PHACTR2: variants seen among roughly 807,000 people sequenced by gnomAD.
PHACTR2 encodes the protein chromosome 6 open reading frame 56.
PHACTR2 carries 30 observed loss-of-function variants against 76.0 expected under a neutral mutation model. The observed-to-expected ratio is 0.39, with a 90% CI of 0.30 to 0.54. The LOEUF is 0.54. Ranked by LOEUF, PHACTR2 falls within the 20% of genes least tolerant of loss-of-function variation. The pLI is 0.61. For synonymous variants in PHACTR2, 292 were observed against 292.5 expected (o/e 1.00, Z 0.02); for missense variants, 696 against 781.1 (o/e 0.89, Z 1.30).
At chr6:143,771,158 GTATATATATATA>G (rs1341330418) in intron 6 of PHACTR2, among the ~76,000 whole-genome samples, 2 of 14,566 alleles carry the variant, frequency 1.4e-4, no homozygotes, top group African/African-American at 3.0e-4. Flanking sequence ...ATATATATAT[GTATATATATATA>G]TATGTATATA....
rs9386041 is a variant in PHACTR2 at position 143,663,716 on chromosome 6, G to A, written c.14-48300G>A. Among the ~76,000 whole-genome samples, 9,795 of 152,066 alleles carry A rather than the reference G, an allele frequency of 0.064. 402 individuals carry two copies. Among genetic ancestry groups the A allele is most frequent in the East Asian group, 0.22 (1,120 of 5,174 alleles). Reference sequence around the variant, plus strand: ...TGTTTCTTTCAGTTTCTAAAAATGTGTGGGAGGGGTTTTTATTTCTGTTTT... The same window carrying A: ...TGTTTCTTTCAGTTTCTAAAAATGTATGGGAGGGGTTTTTATTTCTGTTTT... On this transcript the variant is annotated intron_variant, in intron 1 of 11. Coordinates refer to the PHACTR2 transcript ENST00000305766. The surrounding 1 kb of genome is among the most constrained non-coding windows in gnomAD (Gnocchi z 4.1).
rs111406426 is a variant in PHACTR2, at chr6:143,801,613, C to T, written c.1846-5444C>T. On this transcript the variant is annotated intron_variant, in intron 11 of 12. Transcript: ENST00000440869. This position sits in a 1 kb window ranked among gnomAD's most constrained non-coding sequence, Gnocchi z 4.6. The stretch of plus-strand genomic sequence containing the variant: ...AGCCATTCATCTAACCTTTTTTCAA[C>T]GTTTTTAGCTTCCTTGAAATGGATT... Among the ~76,000 whole-genome samples, 2 of 152,158 alleles carry T rather than the reference C, an allele frequency of 1.3e-5. No homozygotes were observed. The highest frequency in any genetic ancestry group is 2.9e-5 in the Non-Finnish European group (2 of 67,980).
rs1377199762 is a variant in PHACTR2 at position 143,610,882 on chromosome 6, C to A, written c.13+2560C>A. ...GTGGAATATGTCAGGGCAATTTTAG[C>A]AATATCTAACATTTTCTTCTTTTTT... On this transcript the variant is annotated intron_variant, in intron 1 of 11. Transcript: ENST00000305766. This position sits in a 1 kb window ranked among gnomAD's most constrained non-coding sequence, Gnocchi z 4.9. 6.6e-6 allele frequency among the ~76,000 whole-genome samples: 1 copy of A among 152,070 alleles called. No homozygotes were observed. Among genetic ancestry groups the A allele is most frequent in the African/African-American group, 2.4e-5 (1 of 41,402 alleles).
In PHACTR2 at chr6:143,760,752, C is replaced by A; in HGVS notation, c.694+112C>A. ...GCTTTTGGTGTCTTAGGACATTACA[C>A]CAGCAGGTTCAGCTTTGACACAAAG... is the stretch of plus-strand genomic sequence containing the variant. On this transcript the variant is annotated intron_variant, in intron 5 of 12. Coordinates refer to ENST00000440869, the MANE Select transcript of PHACTR2 (RefSeq NM_001100164.2). The surrounding 1 kb of genome is among the most constrained non-coding windows in gnomAD (Gnocchi z 6.4). 2 of 1,232,340 alleles carry A rather than the reference C, an allele frequency of 1.6e-6. No homozygotes were observed. Among genetic ancestry groups the A allele is most frequent in the Non-Finnish European group, 1.1e-6 (1 of 898,462 alleles). 76.3% of individuals were successfully genotyped at this position (1,232,340 alleles called of 1,614,324 possible).
chr6:143,825,776 A>C lies in PHACTR2; in HGVS notation c.*2087A>C, dbSNP rs1340782776. ...ATTTCTAACCACAAGACCTCTCTAT[A>C]ATGGTAAATGTAAGACATCACCATT... is the stretch of plus-strand genomic sequence containing the variant. On this transcript the variant is annotated 3_prime_UTR_variant, in exon 13 of 13. Coordinates refer to ENST00000440869, the MANE Select transcript of PHACTR2 (RefSeq NM_001100164.2). This position sits in a 1 kb window ranked among gnomAD's most constrained non-coding sequence, Gnocchi z 4.1. 1 of 152,120 alleles carries C rather than the reference A, an allele frequency of 6.6e-6. No individual in the cohort carries two copies. The highest frequency in any genetic ancestry group is 1.5e-5 in the Non-Finnish European group (1 of 68,020). The allele number at this position is 152,120 out of a possible 1,614,324, so 9.4% of individuals were successfully genotyped here. A position where few individuals can be genotyped will look rare whatever the true frequency, so the allele number is the denominator to read the frequency against.
chr6:143,785,760 C>T (rs1330941901), intron 10 of PHACTR2, among the ~76,000 whole-genome samples: 2 of 152,226 alleles, frequency 1.3e-5, no homozygotes, highest in Non-Finnish European at 2.9e-5. Flanking sequence ...ATGGAAGCTG[C>T]CAAGGCTTGG....
chr6:143,729,889 A>T (rs1778662695), intron 2 of PHACTR2, among the ~76,000 whole-genome samples: 1 of 152,038 alleles, frequency 6.6e-6, no homozygotes, highest in Non-Finnish European at 1.5e-5. Flanking sequence ...TTTTCAGATC[A>T]TGCTTTTGGT....
intron 1 of PHACTR2, among the ~76,000 whole-genome samples, chr6:143,600,521 G>A (rs1476043524): frequency 6.6e-6 from 1 of 152,204 alleles, no homozygotes; most frequent in Non-Finnish European, 1.5e-5. Flanking sequence ...TCCTTGAAGT[G>A]ATAAATAGAT....
chr6:143,653,510 G>C lies in PHACTR2; in HGVS notation c.13+45188G>C, dbSNP rs1366396661. On this transcript the variant is annotated intron_variant, in intron 1 of 11. Transcript: ENST00000305766. This position sits in a 1 kb window ranked among gnomAD's most constrained non-coding sequence, Gnocchi z 4.9. ...CCCACATGCAAAGTTTATTTTCGGAGAGTAGTTTATATATGGAATAAATGG... is the reference window on the plus strand; with the variant it reads ...CCCACATGCAAAGTTTATTTTCGGACAGTAGTTTATATATGGAATAAATGG... Among the ~76,000 whole-genome samples, 2 of 152,014 alleles carry C rather than the reference G, an allele frequency of 1.3e-5. No individual in the cohort carries two copies. The highest frequency in any genetic ancestry group is 1.5e-5 in the Non-Finnish European group (1 of 68,022).
chr6:143,672,386 A>G lies in PHACTR2; in HGVS notation c.14-39630A>G, dbSNP rs1176375050. On this transcript the variant is annotated intron_variant, in intron 1 of 11. Transcript: ENST00000305766. The surrounding 1 kb of genome is among the most constrained non-coding windows in gnomAD (Gnocchi z 5.8). Reference sequence around the variant, plus strand: ...TGAGGTGGGAGGATTGCTTGAGCCCAGGAGTTCAAGGCTACAGTAAGCAAT... The same window carrying G: ...TGAGGTGGGAGGATTGCTTGAGCCCGGGAGTTCAAGGCTACAGTAAGCAAT... Among the ~76,000 whole-genome samples the G allele has an allele frequency of 6.6e-6, 1 of 152,084 alleles. No homozygotes were observed. The highest frequency in any genetic ancestry group is 6.6e-5 in the Admixed American group (1 of 15,264).
Position 143,772,981 on chromosome 6 carries a change from C to T in PHACTR2, c.1432+524C>T, listed in dbSNP as rs530635519. On this transcript the variant is annotated intron_variant, in intron 7 of 12. Transcript: ENST00000440869. This position sits in a 1 kb window ranked among gnomAD's most constrained non-coding sequence, Gnocchi z 5.4. ...CTCATGTCTAATTTTGGGAGGCTAA[C>T]GTGGGTGAATCCCTTGAGGTCAGGA... Among the ~76,000 whole-genome samples, 75 of 152,092 alleles carry T rather than the reference C, an allele frequency of 4.9e-4. No individual in the cohort carries two copies. Among genetic ancestry groups the T allele is most frequent in the Non-Finnish European group, 9.3e-4 (63 of 68,006 alleles).
Position 143,750,717 on chromosome 6 carries a change from A to G in PHACTR2, c.295+1652A>G, listed in dbSNP as rs1779162705. Among the ~76,000 whole-genome samples the G allele has an allele frequency of 6.6e-6, 1 of 152,188 alleles. No homozygotes were observed. Among genetic ancestry groups the G allele is most frequent in the Admixed American group, 6.5e-5 (1 of 15,272 alleles). On this transcript the variant is annotated intron_variant, in intron 3 of 12. Transcript: ENST00000440869. The surrounding 1 kb of genome is among the most constrained non-coding windows in gnomAD (Gnocchi z 4.6). ...TGAAACTATTTGCCTCATAGATTAT[A>G]ATTTCTTGGGCCAACATATACTTCT...
rs142342326 is a variant in PHACTR2 at position 143,730,851 on chromosome 6, G to A, written c.215-18134G>A. On this transcript the variant is annotated intron_variant, in intron 2 of 12. Transcript: ENST00000440869. This position sits in a 1 kb window ranked among gnomAD's most constrained non-coding sequence, Gnocchi z 4.8. ...TAACCTCCGCCTCTTGGGTTCAAGC[G>A]ATTCTCCTGCTTCAGCCTCCTGAGT... Among the ~76,000 whole-genome samples, 431 of 152,268 alleles carry A rather than the reference G, an allele frequency of 2.8e-3. 1 individual carries two copies. Among genetic ancestry groups the A allele is most frequent in the African/African-American group, 9.7e-3 (405 of 41,540 alleles).
At position 143,803,941 on chromosome 6, in the gene PHACTR2, G is replaced by A. The variant is rs1776013964; in HGVS notation, c.1846-3116G>A. Among the ~76,000 whole-genome samples, 2 of 152,178 alleles carry A rather than the reference G, an allele frequency of 1.3e-5. No individual in the cohort carries two copies. Among genetic ancestry groups the A allele is most frequent in the Admixed American group, 1.3e-4 (2 of 15,274 alleles). On this transcript the variant is annotated intron_variant, in intron 11 of 12. Transcript: ENST00000440869. The surrounding 1 kb of genome is among the most constrained non-coding windows in gnomAD (Gnocchi z 4.7). The stretch of plus-strand genomic sequence containing the variant: ...ATATTCTCAGGGCAAACAGGAAAAG[G>A]GTTAATGCGCATCTCTCTCTAGCAA...
At chr6:143,707,527 C>T (rs1778081439) in intron 1 of PHACTR2, among the ~76,000 whole-genome samples, 1 of 152,162 alleles carries the variant, frequency 6.6e-6, no homozygotes, top group African/African-American at 2.4e-5. Flanking sequence ...TACTATGCCA[C>T]ATTAGTCTCA....
chr6:143,670,603 T>C (rs1777136494), intron 1 of PHACTR2, among the ~76,000 whole-genome samples: 1 of 152,170 alleles, frequency 6.6e-6, no homozygotes, highest in Admixed American at 6.5e-5. Flanking sequence ...TGATCCTCAA[T>C]CTCTGATATC....
Position 143,581,105 on chromosome 6 carries a change from T to C in PHACTR2, c.217+43898T>C, listed in dbSNP as rs13212626. Among the ~76,000 whole-genome samples, 4 of 151,972 alleles carry C rather than the reference T, an allele frequency of 2.6e-5. No homozygotes were observed. Among genetic ancestry groups the C allele is most frequent in the Admixed American group, 6.5e-5 (1 of 15,272 alleles). On this transcript the variant is annotated intron_variant, in intron 1 of 11. Transcript: ENST00000367584. This position sits in a 1 kb window ranked among gnomAD's most constrained non-coding sequence, Gnocchi z 4.5. ...CCCTCAGGGCCAAAACCAGAGGGAG[T>C]TGGACACCAGAGTGATAAGCAGACA... is the stretch of plus-strand genomic sequence containing the variant.
Position 143,765,971 on chromosome 6 carries a change from T to C in PHACTR2, c.1232+173T>C, listed in dbSNP as rs1332830170. 6.6e-6 allele frequency among the ~76,000 whole-genome samples: 1 copy of C among 152,198 alleles called. No homozygotes were observed. The highest frequency in any genetic ancestry group is 6.5e-5 in the Admixed American group (1 of 15,280). On this transcript the variant is annotated intron_variant, in intron 6 of 12. Transcript: ENST00000440869. The surrounding 1 kb of genome is among the most constrained non-coding windows in gnomAD (Gnocchi z 4.1). The stretch of plus-strand genomic sequence containing the variant: ...GTCAGAGCCCTGCCCTGGGAATGCC[T>C]AGGGCTGCTGGAGAAAATTACATTG...
In PHACTR2 at chr6:143,782,166, C is replaced by T. The variant is rs1217201856; in HGVS notation, c.1646-1053C>T. Among the ~76,000 whole-genome samples, 2 of 152,004 alleles carry T rather than the reference C, an allele frequency of 1.3e-5. No individual in the cohort carries two copies. The highest frequency in any genetic ancestry group is 2.9e-5 in the Non-Finnish European group (2 of 68,006). ...AATTGAACCCGGGAAGCGGAGGTTG[C>T]GGTGAGCCAAGATCGCGCCACTGCA... On this transcript the variant is annotated intron_variant, in intron 9 of 12. Transcript: ENST00000440869. The surrounding 1 kb of genome is among the most constrained non-coding windows in gnomAD (Gnocchi z 4.6).
Sources: gnomAD v4.1 joint callset for allele counts (sites outside exome capture counted in the v4.1 genomes callset) on GRCh38, gnomAD v4.1.1 for gene constraint, Gnocchi (gnomAD v3.1) non-coding constraint, MANE v1.5 for transcripts, NCBI Gene and HGNC (gene_info 2026-07-23, HGNC 2026-07-21) for gene names.